Variants in GRM5 observed in about 807,000 individuals in gnomAD.
GRM5 encodes the protein glutamate metabotropic receptor 5.
GRM5 carries 19 observed loss-of-function variants against 83.1 expected under a neutral mutation model. That is an observed-to-expected ratio of 0.23 (90% CI 0.16 to 0.34). The LOEUF (loss-of-function observed/expected upper bound fraction) is 0.34, where lower values mean the gene tolerates loss of function less well. GRM5 is among the 10% of genes least tolerant of loss of function. The pLI, the probability that GRM5 is intolerant of heterozygous loss-of-function variation, is 1.00. For synonymous variants in GRM5, 675 were observed against 633.6 expected, an observed-to-expected ratio of 1.07 and a Z score of -0.98; for missense variants, 1,160 against 1,588.3, an observed-to-expected ratio of 0.73 and a Z score of 4.58.
chr11:88,964,280 T>C (rs937474330), intron 2 of GRM5, among the ~76,000 whole-genome samples: 2 of 152,040 alleles, frequency 1.3e-5, no homozygotes, highest in African/African-American at 4.8e-5. Context: ...GATGTTACCT[T>C]CCCATCCAAA....
At chr11:88,867,187 A>T (rs977703694) in intron 2 of GRM5, among the ~76,000 whole-genome samples, 8 of 151,828 alleles carry the variant, frequency 5.3e-5, no homozygotes, top group African/African-American at 1.9e-4. Flanking sequence ...TTGGCCCTAC[A>T]GGCTCTTTTT....
chr11:88,751,070 G>A (rs1477673782), intron 3 of GRM5, among the ~76,000 whole-genome samples: 2 of 18,596 alleles, frequency 1.1e-4, no homozygotes, highest in East Asian at 1.6e-3. Context: ...GATAGCAGAA[G>A]CCAAAAAAAA....
At chr11:88,732,095 A>T (rs1941818988) in intron 3 of GRM5, among the ~76,000 whole-genome samples, 1 of 152,062 alleles carries the variant, frequency 6.6e-6, no homozygotes, top group East Asian at 1.9e-4. Context: ...ACCAACTTTG[A>T]CCACTCCTTT....
intron 3 of GRM5, among the ~76,000 whole-genome samples, chr11:88,790,070 G>C (rs968104782): frequency 6.6e-6 from 1 of 152,042 alleles, no homozygotes; most frequent in African/African-American, 2.4e-5. Context: ...TGCCATGTTG[G>C]CCAGGCTGGC....
intron 2 of GRM5, among the ~76,000 whole-genome samples, chr11:88,911,022 C>T (rs1457468848): frequency 6.6e-5 from 10 of 151,994 alleles, no homozygotes; most frequent in Admixed American, 1.3e-4. Flanking sequence ...AAATAACAAG[C>T]GAATGCGTCC....
chr11:88,811,498 G>A (rs1181984936), intron 3 of GRM5, among the ~76,000 whole-genome samples: 1 of 152,064 alleles, frequency 6.6e-6, no homozygotes, highest in Admixed American at 6.6e-5. Flanking sequence ...ACAGAAAGAA[G>A]AAAATATTCC....
At chr11:88,874,158 C>T (rs1156252204) in intron 2 of GRM5, among the ~76,000 whole-genome samples, 1 of 96,708 alleles carries the variant, frequency 1.0e-5, no homozygotes, top group Non-Finnish European at 2.1e-5. Flanking sequence ...TAATACCAAT[C>T]TTTCTGAGAT....
At chr11:88,688,787 G>A (rs1424188833) in intron 3 of GRM5, among the ~76,000 whole-genome samples, 1 of 151,976 alleles carries the variant, frequency 6.6e-6, no homozygotes, top group Non-Finnish European at 1.5e-5. Context: ...GCATAGTAGG[G>A]AAATAATTGT....
chr11:88,599,853 A>C (rs954162574), intron 5 of GRM5, among the ~76,000 whole-genome samples: 2 of 152,066 alleles, frequency 1.3e-5, no homozygotes, highest in Non-Finnish European at 2.9e-5. Context: ...CTCTACTAAA[A>C]ATAAAAAAAA....
At chr11:88,704,154 C>T (rs1941099430) in intron 3 of GRM5, among the ~76,000 whole-genome samples, 1 of 151,998 alleles carries the variant, frequency 6.6e-6, no homozygotes, top group Non-Finnish European at 1.5e-5. Flanking sequence ...ATTATAAGGT[C>T]CCACTTTCAC....
In GRM5 at chr11:88,872,291, G is replaced by A. The variant is rs867222036; in HGVS notation, c.662-22136C>T. 6.6e-5 allele frequency among the ~76,000 whole-genome samples: 10 copies of A among 151,634 alleles called. 1 individual carries two copies. Among genetic ancestry groups the A allele is most frequent in the Middle Eastern group, 3.4e-3 (1 of 292 alleles). ...ACAAGGCACTAACACAGTGTAATAA[G>A]ATAAATTCAATCATCTAAAAATTAT... On this transcript the variant is annotated intron_variant, in intron 2 of 9. Coordinates refer to ENST00000305447, the MANE Select transcript of GRM5 (RefSeq NM_001143831.3).
chr11:88,868,265 A>G (rs1019342125), intron 2 of GRM5, among the ~76,000 whole-genome samples: 4 of 151,908 alleles, frequency 2.6e-5, no homozygotes, highest in Admixed American at 6.6e-5. Context: ...CTCTGAAATT[A>G]GATGAAATTT....
At chr11:88,689,637 T>G (rs1343205595) in intron 3 of GRM5, among the ~76,000 whole-genome samples, 2 of 152,160 alleles carry the variant, frequency 1.3e-5, no homozygotes, top group Non-Finnish European at 2.9e-5. Context: ...TGTTTTCCCT[T>G]TCATCCGGAT....
chr11:88,596,917 T>A (rs1033061969), intron 6 of GRM5, among the ~76,000 whole-genome samples: 11 of 152,070 alleles, frequency 7.2e-5, no homozygotes, highest in African/African-American at 2.2e-4. Flanking sequence ...CTGTAAACTT[T>A]ATTCCCAGGA....
At chr11:88,940,184 A>G (rs1938042234) in intron 2 of GRM5, among the ~76,000 whole-genome samples, 1 of 151,790 alleles carries the variant, frequency 6.6e-6, no homozygotes, top group Non-Finnish European at 1.5e-5. Context: ...GATATATTCC[A>G]TAACTCTGAA....
chr11:88,929,471 G>A (rs988341208), intron 2 of GRM5, among the ~76,000 whole-genome samples: 30 of 151,924 alleles, frequency 2.0e-4, no homozygotes, highest in African/African-American at 6.5e-4. Flanking sequence ...ATATCCAAAA[G>A]CAAGATAAAA....
At chr11:89,064,969 T>C (rs1197979915) in intron 1 of GRM5, among the ~76,000 whole-genome samples, 1 of 126,280 alleles carries the variant, frequency 7.9e-6, no homozygotes, top group African/African-American at 2.9e-5. Context: ...TTTGCCAAAG[T>C]TCCATAAAGG....
chr11:88,706,705 T>C (rs1368041087), intron 3 of GRM5, among the ~76,000 whole-genome samples: 1 of 152,112 alleles, frequency 6.6e-6, no homozygotes, highest in Non-Finnish European at 1.5e-5. Context: ...ACAGAAAATG[T>C]TCTGCCTTTA....
chr11:88,690,159 C>T (rs1339170967), intron 3 of GRM5, among the ~76,000 whole-genome samples: 1 of 152,172 alleles, frequency 6.6e-6, no homozygotes, highest in East Asian at 1.9e-4. Flanking sequence ...CATAAGAATA[C>T]AACTGAGCAT....
Sources: allele counts gnomAD v4.1 joint callset (sites outside exome capture counted in the v4.1 genomes callset), GRCh38; gene constraint gnomAD v4.1.1; transcripts MANE v1.5; gene names NCBI Gene and HGNC (gene_info 2026-07-23, HGNC 2026-07-21).